The following TAB2 variants were observed in gnomAD, a reference collection of about 807,000 sequenced individuals.
TAB2 encodes the protein TGF-beta activated kinase 1 (MAP3K7) binding protein 2, also known as TGF-beta-activated kinase 1 and MAP3K7-binding protein 2.
Under a neutral mutation model 65.0 loss-of-function variants are expected in TAB2, and 3 were observed. That is an observed-to-expected ratio of 0.05 (90% CI 0.02 to 0.12). The LOEUF is 0.12. Among genes scored for constraint, TAB2 ranks in the 10% least tolerant of loss-of-function variants. TAB2 has a pLI of 1.00. For missense variants in TAB2, 623 were observed against 840.3 expected, an observed-to-expected ratio of 0.74 and a Z score of 3.20; for synonymous variants, 298 against 285.1, an observed-to-expected ratio of 1.05 and a Z score of -0.46.
chr6:149,370,014 A>G lies in TAB2; in HGVS notation c.17A>G (p.His6Arg), dbSNP rs763061741. Residue 6 changes from histidine (H) to arginine (R), a missense_variant, in exon 2 of 7, where the codon CAC becomes CGC. Physicochemically the swap from His to Arg is conservative, Grantham distance 29 (BLOSUM62 0). This residue lies in a region of TAB2 where 17 missense variants were observed against 44.2 expected (regional missense o/e 0.38). Transcript: ENST00000637181. MAQGS[H>R]QIDFQVLHDL... ...AATATACGAATGGCCCAAGGAAGCCACCAAATTGATTTTCAGGTTTTACAT... is the reference window on the plus strand; with the variant it reads ...AATATACGAATGGCCCAAGGAAGCCGCCAAATTGATTTTCAGGTTTTACAT... 42 of 1,613,996 alleles carry G rather than the reference A, an allele frequency of 2.6e-5. No homozygotes were observed. Among genetic ancestry groups the G allele is most frequent in the Non-Finnish European group, 3.6e-5 (42 of 1,179,984 alleles).
intron 1 of TAB2, among the ~76,000 whole-genome samples, chr6:149,232,406 T>A (rs895532120): frequency 3.3e-5 from 5 of 152,158 alleles, no homozygotes; most frequent in African/African-American, 1.2e-4. Context: ...TTTTGTATTT[T>A]TAGTAGAGAC....
intron 6 of TAB2, chr6:149,400,369 C>CT: frequency 6.2e-7 from 1 of 1,611,052 alleles, no homozygotes; most frequent in Non-Finnish European, 8.5e-7. Context: ...GAAGCAGCAG[C>CT]TGAGGAGACT....
chr6:149,399,176 A>G lies in TAB2; in HGVS notation c.1931A>G (p.Lys644Arg). The G allele has an allele frequency of 6.2e-7, 1 of 1,613,408 alleles. No homozygotes were observed. The highest frequency in any genetic ancestry group is 1.3e-5 in the African/African-American group (1 of 75,030). Residue 644 changes from lysine (K) to arginine (R), a missense_variant, in exon 6 of 7, where the codon AAA (lysine) becomes AGA (arginine). Lys to Arg is a conservative substitution (Grantham distance 26, BLOSUM62 2). Transcript: ENST00000637181. ...NIGFVGPVPP[K>R]PKDQRSIIKT... ...GGATTTGTAGGTCCTGTGCCACCAAAACCCAAAGGTTAGTGTATCCATTAA... is the reference window on the plus strand; with the variant it reads ...GGATTTGTAGGTCCTGTGCCACCAAGACCCAAAGGTTAGTGTATCCATTAA...
intron 1 of TAB2, among the ~76,000 whole-genome samples, chr6:149,230,849 CAGTA>C (rs1261212548): frequency 6.6e-6 from 1 of 152,218 alleles, no homozygotes; most frequent in Admixed American, 6.5e-5. Context: ...TAGGAAATTA[CAGTA>C]AGTATTTTTC....
rs868068843 is a variant in TAB2, at chr6:149,411,293, T to C, written c.*1574T>C. The C allele has an allele frequency of 6.6e-6, 1 of 152,454 alleles. No homozygotes were observed. Among genetic ancestry groups the C allele is most frequent in the African/African-American group, 2.4e-5 (1 of 41,454 alleles). 9.4% of individuals were successfully genotyped at this position (152,454 alleles called of 1,614,324 possible). A position where few individuals can be genotyped will look rare whatever the true frequency, so the allele number is the denominator to read the frequency against. On this transcript the variant is annotated 3_prime_UTR_variant, in exon 7 of 7. Transcript: ENST00000637181. ...GTGGCTGTGTTTTAAATGGGATTAT[T>C]ACAGTTGATCTCTATGAATGTCAGA...
At chr6:149,262,348 C>T (rs937637289) in intron 1 of TAB2, among the ~76,000 whole-genome samples, 2 of 152,136 alleles carry the variant, frequency 1.3e-5, no homozygotes, top group African/African-American at 4.8e-5. Context: ...GCCTGGCCAA[C>T]ATGGTGAAAC....
chr6:149,292,068 T>C (rs1469140475), intron 1 of TAB2, among the ~76,000 whole-genome samples: 2 of 152,172 alleles, frequency 1.3e-5, no homozygotes, highest in African/African-American at 4.8e-5. Context: ...TGAACATTCA[T>C]TAAAATTTTT....
At chr6:149,234,747 C>T (rs978990686) in intron 1 of TAB2, among the ~76,000 whole-genome samples, 1 of 151,392 alleles carries the variant, frequency 6.6e-6, no homozygotes, top group Admixed American at 6.6e-5. Flanking sequence ...AGGGAGTTCC[C>T]TGGGTTGTGT....
chr6:149,338,039 T>A (rs1779987396), intron 1 of TAB2, among the ~76,000 whole-genome samples: 1 of 152,184 alleles, frequency 6.6e-6, no homozygotes, highest in African/African-American at 2.4e-5. Context: ...TCCACAATGC[T>A]TTATCTGAAA....
intron 1 of TAB2, among the ~76,000 whole-genome samples, chr6:149,309,617 TG>T (rs1258555675): frequency 4.0e-5 from 6 of 151,040 alleles, no homozygotes; most frequent in Admixed American, 6.6e-5. Context: ...CAGGATGGTC[TG>T]GATCTCCTGA....
At chr6:149,307,922 A>G (rs979088632) in intron 1 of TAB2, among the ~76,000 whole-genome samples, 3 of 152,214 alleles carry the variant, frequency 2.0e-5, no homozygotes, top group African/African-American at 7.2e-5. Flanking sequence ...TTTTCTATAC[A>G]TACCCACATT....
intron 1 of TAB2, among the ~76,000 whole-genome samples, chr6:149,366,130 T>G (rs1781032437): frequency 6.6e-6 from 1 of 152,180 alleles, no homozygotes; most frequent in African/African-American, 2.4e-5. Flanking sequence ...GGGTCAGTTT[T>G]TTTCTGTTTA....
At chr6:149,329,198 T>A (rs2114748397) in intron 1 of TAB2, among the ~76,000 whole-genome samples, 1 of 152,330 alleles carries the variant, frequency 6.6e-6, no homozygotes, top group Middle Eastern at 3.4e-3. Context: ...TCTCTTGTTG[T>A]AGTGCACAAA....
intron 1 of TAB2, among the ~76,000 whole-genome samples, chr6:149,240,632 T>C (rs1281864889): frequency 2.0e-5 from 3 of 152,230 alleles, no homozygotes; most frequent in African/African-American, 7.2e-5. Flanking sequence ...GAACAATTAC[T>C]TTATTTTTCT....
intron 1 of TAB2, among the ~76,000 whole-genome samples, chr6:149,333,710 T>A (rs1779850106): frequency 9.6e-6 from 1 of 104,008 alleles, no homozygotes; most frequent in East Asian, 2.2e-4. Flanking sequence ...AGATCCATAG[T>A]GTGTGTGTGT....
rs559723252 is a variant in TAB2, at chr6:149,286,323, T to C, written c.-121+67547T>C. 2.0e-5 allele frequency among the ~76,000 whole-genome samples: 3 copies of C among 152,378 alleles called. No individual in the cohort carries two copies. The East Asian group carries it at 5.8e-4, about 29-fold the overall frequency. On this transcript the variant is annotated intron_variant, in intron 1 of 1. Transcript: ENST00000606202. Reference sequence around the variant, plus strand: ...CACATCTCTATACAAGTTGTTTCTGTAGATCTAAGACAACTATTTTCTTTT... The same window carrying C: ...CACATCTCTATACAAGTTGTTTCTGCAGATCTAAGACAACTATTTTCTTTT...
At chr6:149,319,748 T>A (rs1779374362) in intron 1 of TAB2, among the ~76,000 whole-genome samples, 2 of 152,238 alleles carry the variant, frequency 1.3e-5, no homozygotes, top group African/African-American at 2.4e-5. Context: ...CCCCTGAATA[T>A]ACTCCATTAT....
chr6:149,378,981 A>G lies in TAB2; in HGVS notation c.1066A>G (p.Asn356Asp). Residue 356 changes from asparagine to aspartate, a missense_variant, in exon 3 of 7, where the codon AAT becomes GAT. Physicochemically the swap from Asn to Asp is conservative, Grantham distance 23 (BLOSUM62 1). This residue lies in a region of TAB2 where 550 missense variants were observed against 665.7 expected (regional missense o/e 0.83). Coordinates refer to ENST00000637181, the MANE Select transcript of TAB2 (RefSeq NM_001292034.3). ...PRTSSTSSSVNSQTLNRNQPT... is the reference protein window; with the variant it reads ...PRTSSTSSSVDSQTLNRNQPT... ...AACCTCCAGCACTTCCTCTTCAGTC[A>G]ATAGCCAGACCTTAAACAGAAATCA... 1 of 1,614,208 alleles carries G rather than the reference A, an allele frequency of 6.2e-7. No individual in the cohort carries two copies. The highest frequency in any genetic ancestry group is 8.5e-7 in the Non-Finnish European group (1 of 1,180,038).
chr6:149,299,510 T>C (rs1371539755), intron 1 of TAB2, among the ~76,000 whole-genome samples: 2 of 152,206 alleles, frequency 1.3e-5, no homozygotes, highest in Non-Finnish European at 2.9e-5. Flanking sequence ...AGGGGGAGGC[T>C]GCAGTGAGCT....
Sources: allele counts gnomAD v4.1 joint callset (sites outside exome capture counted in the v4.1 genomes callset), GRCh38; gene constraint gnomAD v4.1.1; regional missense constraint gnomAD v4.1.1; transcripts MANE v1.5; gene names NCBI Gene and HGNC (gene_info 2026-07-23, HGNC 2026-07-21).